The following HPSE2 variants were observed in gnomAD, a reference collection of about 807,000 sequenced individuals.
HPSE2 encodes the protein heparanase 2 (inactive), also known as inactive heparanase-2.
HPSE2 carries 38 observed loss-of-function variants against 60.5 expected under a neutral mutation model. The observed-to-expected ratio is 0.63, with a 90% CI of 0.48 to 0.82. The LOEUF is 0.82. HPSE2 is among the 40% of genes least tolerant of loss of function. The pLI is 0.00. For synonymous variants in HPSE2, 295 were observed against 293.2 expected, an observed-to-expected ratio of 1.01 and a Z score of -0.06; for missense variants, 713 against 740.4, an observed-to-expected ratio of 0.96 and a Z score of 0.43.
At chr10:98,909,928 G>A (rs1953933514) in intron 3 of HPSE2, among the ~76,000 whole-genome samples, 1 of 152,170 alleles carries the variant, frequency 6.6e-6, no homozygotes, top group Non-Finnish European at 1.5e-5. Flanking sequence ...ATTAAAAGTT[G>A]TTCAAATATG....
chr10:98,913,746 A>T (rs1229166133), intron 3 of HPSE2, among the ~76,000 whole-genome samples: 1 of 152,200 alleles, frequency 6.6e-6, no homozygotes. Context: ...GAGCAATAAA[A>T]TGAAATTAAA....
chr10:98,799,079 T>C, intron 3 of HPSE2, among the ~76,000 whole-genome samples: 1 of 151,754 alleles, frequency 6.6e-6, no homozygotes, highest in East Asian at 1.9e-4. Flanking sequence ...AGACTGAAAA[T>C]AAAGGGATGG....
At chr10:99,051,551 T>G (rs1957991860) in intron 3 of HPSE2, among the ~76,000 whole-genome samples, 1 of 152,088 alleles carries the variant, frequency 6.6e-6, no homozygotes, top group Admixed American at 6.5e-5. Flanking sequence ...AAAAGGGAGT[T>G]ACCAGAACTA....
intron 7 of HPSE2, among the ~76,000 whole-genome samples, chr10:98,636,274 C>G (rs561032): frequency 0.17 from 26,054 of 150,542 alleles, 2,383 homozygotes; most frequent in Admixed American, 0.24. Flanking sequence ...GAGTCTCGCT[C>G]TGTTGCCCAG....
chr10:98,603,480 A>G (rs1265437091), intron 9 of HPSE2, among the ~76,000 whole-genome samples: 2 of 143,570 alleles, frequency 1.4e-5, no homozygotes, highest in Non-Finnish European at 3.0e-5. Flanking sequence ...GCCAGGCTGG[A>G]GTACAGTGGC....
chr10:99,280,117 A>C, the HPSE2 span, among the ~76,000 whole-genome samples: 3 of 152,320 alleles, frequency 2.0e-5, no homozygotes, highest in East Asian at 5.8e-4. Context: ...CAGCTCTCTG[A>C]ATCAGAAGTT....
intron 9 of HPSE2, among the ~76,000 whole-genome samples, chr10:98,527,894 G>A (rs185326414): frequency 3.1e-4 from 47 of 152,228 alleles, no homozygotes; most frequent in African/African-American, 1.1e-3. Context: ...TCCTAGGGGG[G>A]ATATCTACAG....
chr10:98,524,789 C>T (rs1942910235), intron 9 of HPSE2, among the ~76,000 whole-genome samples: 1 of 152,164 alleles, frequency 6.6e-6, no homozygotes, highest in African/African-American at 2.4e-5. Context: ...TACAAGTTTA[C>T]ATAATTTTGG....
intron 2 of HPSE2, among the ~76,000 whole-genome samples, chr10:99,165,529 GTATTTATTTATTTATT>G (rs71009726): frequency 6.9e-6 from 1 of 143,986 alleles, no homozygotes; most frequent in Non-Finnish European, 1.5e-5. Context: ...ATTTATTTAC[GTATTTATTTATTTATT>G]TATTTATTTA....
intron 3 of HPSE2, among the ~76,000 whole-genome samples, chr10:98,938,866 A>C (rs1290458259): frequency 1.4e-5 from 2 of 144,450 alleles, no homozygotes; most frequent in Admixed American, 1.4e-4. Flanking sequence ...AGGGAAGTCC[A>C]TCAGACTAAC....
intron 3 of HPSE2, among the ~76,000 whole-genome samples, chr10:99,079,642 A>G (rs1224290004): frequency 1.3e-5 from 2 of 152,120 alleles, no homozygotes; most frequent in Non-Finnish European, 2.9e-5. Context: ...TCAGCATCCC[A>G]TAACAGGCAA....
intron 3 of HPSE2, among the ~76,000 whole-genome samples, chr10:99,019,824 C>T (rs189385986): frequency 4.0e-4 from 61 of 151,976 alleles, no homozygotes; most frequent in Admixed American, 6.6e-4. Flanking sequence ...ATTCTCTCCC[C>T]CGTCAGCTTC....
At chr10:98,520,220 C>A (rs1013489629) in intron 9 of HPSE2, among the ~76,000 whole-genome samples, 3 of 152,162 alleles carry the variant, frequency 2.0e-5, no homozygotes, top group Admixed American at 2.0e-4. Flanking sequence ...GGAGAAGGGG[C>A]CATTCCTGAT....
chr10:98,480,974 G>A (rs768995248), intron 11 of HPSE2, among the ~76,000 whole-genome samples: 5 of 152,182 alleles, frequency 3.3e-5, no homozygotes, highest in Non-Finnish European at 7.3e-5. Context: ...TCACAGAGAT[G>A]ACATAACTTG....
chr10:98,642,065 C>A, intron 6 of HPSE2, 125 bp from the exon 7 acceptor site: 1 of 797,434 alleles, frequency 1.3e-6, no homozygotes, highest in Non-Finnish European at 2.2e-6. Context: ...CTCTCATATT[C>A]TAAAAGGTTT....
At chr10:99,044,522 T>C (rs1343590381) in intron 3 of HPSE2, among the ~76,000 whole-genome samples, 3 of 152,148 alleles carry the variant, frequency 2.0e-5, no homozygotes, top group Non-Finnish European at 4.4e-5. Context: ...ACGCTGAATG[T>C]AAATGAACTG....
intron 2 of HPSE2, among the ~76,000 whole-genome samples, chr10:99,164,951 C>T (rs1376756629): frequency 7.2e-5 from 11 of 152,106 alleles, no homozygotes; most frequent in Middle Eastern, 3.4e-3. Flanking sequence ...GGCATGGTGG[C>T]GCACGCCTGC....
chr10:98,657,378 C>G (rs184376483), intron 6 of HPSE2, among the ~76,000 whole-genome samples: 52 of 152,142 alleles, frequency 3.4e-4, no homozygotes, highest in African/African-American at 1.2e-3. Flanking sequence ...GTTACCCAGG[C>G]TGGAGTGCAG....
intron 3 of HPSE2, among the ~76,000 whole-genome samples, chr10:99,024,574 A>G (rs1055286754): frequency 2.0e-5 from 3 of 152,184 alleles, no homozygotes; most frequent in African/African-American, 4.8e-5. Context: ...CAAAAAGGTT[A>G]TAGAACACCA....
Sources: gnomAD v4.1 joint callset for allele counts (sites outside exome capture counted in the v4.1 genomes callset) on GRCh38, gnomAD v4.1.1 for gene constraint, MANE v1.5 for transcripts, NCBI Gene and HGNC (gene_info 2026-07-23, HGNC 2026-07-21) for gene names.